H2BC5: variants seen among roughly 807,000 people sequenced by gnomAD.
H2BC5 encodes histone H2B type 1-D.
Under a neutral mutation model 5.7 loss-of-function variants are expected in H2BC5, and 9 were observed. The observed-to-expected ratio is 1.57, with a 90% confidence interval of 0.95 to 2.74. H2BC5 has a LOEUF of 2.74. H2BC5 is among the 30% of genes most tolerant of loss of function. The pLI, the probability that H2BC5 is intolerant of heterozygous loss-of-function variation, is 0.00. For synonymous variants in H2BC5, 133 were observed against 70.9 expected (o/e 1.88, Z -4.40); for missense variants, 175 against 168.8 (o/e 1.04, Z -0.20).
chr6:26,170,254 G>A (rs1449872264), intron 1 of H2BC5, among the ~76,000 whole-genome samples: 1 of 152,028 alleles, frequency 6.6e-6, no homozygotes, highest in African/African-American at 2.4e-5. Flanking sequence ...TTTGTTTATT[G>A]TTTGCCTCCC....
downstream of H2BC5, among the ~76,000 whole-genome samples, chr6:26,160,478 G>C (rs1462267851): frequency 7.8e-5 from 11 of 140,196 alleles, no homozygotes; most frequent in East Asian, 2.5e-3. Flanking sequence ...GAGGCTGGAG[G>C]ATTGCTTGAG....
Position 26,158,543 on chromosome 6 carries a change from C to A in H2BC5, c.374C>A (p.Ser125Tyr), listed in dbSNP as rs1378116292. ...GTKAVTKYTS[S>Y]K ...AAGGCCGTCACCAAGTACACCAGTTCCAAGTAACTTTGCCAAGTAAGCATC... is the reference window on the plus strand; with the variant it reads ...AAGGCCGTCACCAAGTACACCAGTTACAAGTAACTTTGCCAAGTAAGCATC... The change falls in exon 1 of 1, where the codon TCC (serine) becomes TAC (tyrosine). Residue 125 changes from serine (S) to tyrosine (Y), a missense_variant. By Grantham distance (144) the Ser-to-Tyr change is moderately radical. Coordinates refer to ENST00000377777, the MANE Select transcript of H2BC5 (RefSeq NM_021063.4). 10 of 1,614,032 alleles carry A rather than the reference C, an allele frequency of 6.2e-6. No homozygotes were observed. The highest frequency in any genetic ancestry group is 8.5e-6 in the Non-Finnish European group (10 of 1,180,018).
Position 26,158,348 on chromosome 6 carries a change from TG to T in H2BC5, c.183del (p.Ile62SerfsTer2). 6.2e-7 allele frequency: 1 copy of T among 1,614,230 alleles called. No individual in the cohort carries two copies. The highest frequency in any genetic ancestry group is 8.5e-7 in the Non-Finnish European group (1 of 1,180,044). On this transcript the variant is annotated frameshift_variant, in exon 1 of 1. Coordinates refer to ENST00000377777, the MANE Select transcript of H2BC5 (RefSeq NM_021063.4). LOFTEE classifies it high-confidence loss of function. ...GACACCGGCATCTCTTCCAAGGCAA[TG>T]GGGATCATGAATTCCTTCGTCAACG... The part of the protein sequence containing the change: ...HPDTGISSKA[M>X]GIMNSFVNDI...
In H2BC5 at chr6:26,164,784, A is replaced by G. The variant is rs1430645114; in HGVS notation, c.*10-6191A>G. ...CCCATTGCCCAGCACCATCCCATGG[A>G]AGGCTCTGGTGGTACCCCTGAGCCC... On this transcript the variant is annotated intron_variant, in intron 1 of 1. Transcript: ENST00000289316. Among the ~76,000 whole-genome samples, 3 of 151,894 alleles carry G rather than the reference A, an allele frequency of 2.0e-5. No individual in the cohort carries two copies. In the East Asian group the frequency reaches 5.8e-4, roughly 29 times the overall value.
At chr6:26,162,948 C>G (rs1158486982), downstream of H2BC5, among the ~76,000 whole-genome samples, 1 of 151,974 alleles carries the variant, frequency 6.6e-6, no homozygotes, top group African/African-American at 2.4e-5. Context: ...CTTTTTTAAC[C>G]TGTTGCCATG....
downstream of H2BC5, among the ~76,000 whole-genome samples, chr6:26,158,881 G>C (rs766263266): frequency 6.6e-6 from 1 of 152,172 alleles, no homozygotes; most frequent in Non-Finnish European, 1.5e-5. Flanking sequence ...TCGTGATGTT[G>C]ATCCGGGACT....
At position 26,158,168 on chromosome 6, in the gene H2BC5, C is replaced by A; in HGVS notation, c.-2C>A. Reference sequence around the variant, plus strand: ...AACAGTGTTCTAACTATTAACGCTACGATGCCTGAACCTACCAAGTCTGCT... The same window carrying A: ...AACAGTGTTCTAACTATTAACGCTAAGATGCCTGAACCTACCAAGTCTGCT... On this transcript the variant is annotated 5_prime_UTR_variant, in exon 1 of 1. Coordinates refer to ENST00000377777, the MANE Select transcript of H2BC5 (RefSeq NM_021063.4). 7.4e-6 allele frequency: 12 copies of A among 1,612,154 alleles called. No individual in the cohort carries two copies. Among genetic ancestry groups the A allele is most frequent in the Middle Eastern group, 1.7e-4 (1 of 6,052 alleles).
chr6:26,165,721 A>T (rs1294424592), intron 1 of H2BC5, among the ~76,000 whole-genome samples: 2 of 152,052 alleles, frequency 1.3e-5, no homozygotes, highest in Non-Finnish European at 2.9e-5. Context: ...AAAAGTGGAG[A>T]AAGTTGCCAT....
At chr6:26,159,632 A>G (rs1764320667), downstream of H2BC5, among the ~76,000 whole-genome samples, 1 of 152,066 alleles carries the variant, frequency 6.6e-6, no homozygotes, top group Non-Finnish European at 1.5e-5. Context: ...AAAATGTGAG[A>G]TGGATGAGGC....
At chr6:26,167,049 C>CTT (rs149341201) in intron 1 of H2BC5, among the ~76,000 whole-genome samples, 4,764 of 96,876 alleles carry the variant, frequency 0.049, 209 homozygotes, top group East Asian at 0.092. Context: ...TTTGTTTTCT[C>CTT]TTTTTTTTTT....
At chr6:26,168,278 G>A (rs1425558926) in intron 1 of H2BC5, among the ~76,000 whole-genome samples, 2 of 152,056 alleles carry the variant, frequency 1.3e-5, no homozygotes, top group African/African-American at 4.8e-5. Flanking sequence ...GGCCAACATG[G>A]AGAAACCCCG....
At position 26,158,238 on chromosome 6, in the gene H2BC5, G is replaced by A. The variant is rs1478293495; in HGVS notation, c.69G>A (p.Gln23=). The part of the protein sequence containing the change: ...KGSKKAVTKA[Q]KKDGKKRKRS... ...CCAAGAAGGCGGTGACTAAGGCTCA[G>A]AAGAAGGACGGGAAGAAGCGCAAGC... The change falls in exon 1 of 1, where the codon CAG becomes CAA. Residue 23 remains glutamine, a synonymous_variant. Transcript: ENST00000377777. 1 of 1,614,242 alleles carries A rather than the reference G, an allele frequency of 6.2e-7. No individual in the cohort carries two copies.
Position 26,158,370 on chromosome 6 carries a change from C to T in H2BC5, c.201C>T (p.Val67=), listed in dbSNP as rs779794822. Residue 67 remains valine (V), a synonymous_variant, in exon 1 of 1, where the codon GTC becomes GTT. Coordinates refer to ENST00000377777, the MANE Select transcript of H2BC5 (RefSeq NM_021063.4). ...SKAMGIMNSF[V]NDIFERIAGE... ...CAATGGGGATCATGAATTCCTTCGT[C>T]AACGACATCTTCGAGCGCATCGCAG... 1.2e-6 allele frequency: 2 copies of T among 1,614,276 alleles called. No homozygotes were observed. Among genetic ancestry groups the T allele is most frequent in the Non-Finnish European group, 1.7e-6 (2 of 1,180,054 alleles).
In H2BC5 at chr6:26,158,581, C is replaced by A; in HGVS notation, c.*31C>A. 6.2e-7 allele frequency: 1 copy of A among 1,604,824 alleles called. No homozygotes were observed. Among genetic ancestry groups the A allele is most frequent in the Non-Finnish European group, 8.5e-7 (1 of 1,176,326 alleles). On this transcript the variant is annotated 3_prime_UTR_variant, in exon 1 of 1. Transcript: ENST00000377777. ...CCAAGTAAGCATCTTTACACCTAAT[C>A]CCAAAGGCTCTTTTAAGAGCCACGC...
In H2BC5 at chr6:26,158,124, T is replaced by C. The variant is rs753004638; in HGVS notation, c.-46T>C. On this transcript the variant is annotated 5_prime_UTR_variant, in exon 1 of 1. Transcript: ENST00000377777. ...TGAACAGGGCCTCGGCGGGAGTGAT[T>C]ATTTTCTCAGGTGTTTGCAACAGTG... 6 of 1,573,872 alleles carry C rather than the reference T, an allele frequency of 3.8e-6. No homozygotes were observed. The highest frequency in any genetic ancestry group is 5.2e-6 in the Non-Finnish European group (6 of 1,161,510).
chr6:26,166,872 T>TA (rs1764440214), intron 1 of H2BC5, among the ~76,000 whole-genome samples: 1 of 151,482 alleles, frequency 6.6e-6, no homozygotes, highest in Non-Finnish European at 1.5e-5. Context: ...AACTAATTTT[T>TA]ATACTTTTAG....
At chr6:26,167,560 G>A (rs977900851) in intron 1 of H2BC5, among the ~76,000 whole-genome samples, 6 of 152,164 alleles carry the variant, frequency 3.9e-5, no homozygotes, top group Admixed American at 2.6e-4. Flanking sequence ...TAAGTAAGCT[G>A]CTTAGAAGGC....
chr6:26,159,263 T>G (rs1561968588), downstream of H2BC5, among the ~76,000 whole-genome samples: 1 of 144,364 alleles, frequency 6.9e-6, no homozygotes, highest in African/African-American at 2.6e-5. Context: ...TTTTTTTTTT[T>G]TTTTTTTTTG....
rs757473133 is a variant in H2BC5, at chr6:26,158,178, A to C, written c.9A>C (p.Glu3Asp). 6.2e-7 allele frequency: 1 copy of C among 1,613,684 alleles called. No homozygotes were observed. The highest frequency in any genetic ancestry group is 1.3e-5 in the African/African-American group (1 of 74,868). MP[E>D]PTKSAPAPKK... ...TAACTATTAACGCTACGATGCCTGA[A>C]CCTACCAAGTCTGCTCCTGCCCCAA... is the stretch of plus-strand genomic sequence containing the variant. The change falls in exon 1 of 1, where the codon GAA becomes GAC. Residue 3 changes from glutamate (E) to aspartate (D), a missense_variant. By Grantham distance (45) the Glu-to-Asp change is conservative (BLOSUM62 2). This residue lies in a region of H2BC5 where 119 missense variants were observed against 85.6 expected (regional missense o/e 1.39). Transcript: ENST00000377777.
Sources: gnomAD v4.1 joint callset for allele counts (sites outside exome capture counted in the v4.1 genomes callset) on GRCh38, gnomAD v4.1.1 for gene constraint, gnomAD v4.1.1 regional missense constraint, MANE v1.5 for transcripts, NCBI Gene and HGNC (gene_info 2026-07-23, HGNC 2026-07-21) for gene names.